The following TMEM225 variants were observed in gnomAD, a reference collection of about 807,000 sequenced individuals.
The protein encoded by TMEM225 is PMP22 claudin domain-containing protein.
A neutral mutation model predicts 17.6 loss-of-function variants in TMEM225; 10 were observed. The observed-to-expected ratio is 0.57, with a 90% CI of 0.35 to 0.96. The LOEUF (loss-of-function observed/expected upper bound fraction) is 0.96, where lower values mean the gene tolerates loss of function less well. TMEM225 is among the 40% of genes least tolerant of loss of function. TMEM225 has a pLI of 0.02. For synonymous variants in TMEM225, 101 were observed against 94.5 expected (o/e 1.07, Z -0.40); for missense variants, 245 against 271.5 (o/e 0.90, Z 0.69).
intron 3 of TMEM225, 59 bp downstream of exon 3, chr11:123,884,016 T>C: frequency 6.6e-7 from 1 of 1,511,006 alleles, no homozygotes; most frequent in Non-Finnish European, 8.8e-7. Flanking sequence ...TTTTTACCCT[T>C]CCCTCTGTCG....
chr11:123,885,330 T>G lies in TMEM225; in HGVS notation c.96A>C (p.Lys32Asn), dbSNP rs769876191. 3 of 1,613,654 alleles carry G rather than the reference T, an allele frequency of 1.9e-6. No individual in the cohort carries two copies. The highest frequency in any genetic ancestry group is 1.7e-4 in the Middle Eastern group (1 of 6,056). The change falls in exon 1 of 4, where the codon AAA becomes AAC. Residue 32 changes from lysine to asparagine, a missense_variant. Transcript: ENST00000375026. ...VLMVMGITLD[K>N]WVELISEDER... ...CATCTTCTGAAATCAATTCAACCCA[T>G]TTATCTAAGGTGATTCCCATCACCA... is the stretch of plus-strand genomic sequence containing the variant.
chr11:123,885,370 C>T lies in TMEM225; in HGVS notation c.56G>A (p.Trp19Ter), dbSNP rs761263754. 3 of 1,613,494 alleles carry T rather than the reference C, an allele frequency of 1.9e-6. No individual in the cohort carries two copies. In the South Asian group the frequency reaches 3.3e-5, roughly 18 times the overall value. Residue 19 changes from tryptophan to a stop codon, truncating the protein, a stop_gained, in exon 1 of 4, where the codon TGG becomes TAG. Coordinates refer to ENST00000375026, the MANE Select transcript of TMEM225 (RefSeq NM_001013743.3). LOFTEE classifies it high-confidence loss of function. ...TCCCATCACCATTAAGACTACGGCC[C>T]AGGAGGAGAAAAGTATGTTCATACC... Reference protein sequence around the residue: ...IQGMNILFSSWAVVLMVMGIT... With the variant: ...IQGMNILFSS
Position 123,883,091 on chromosome 11 carries a change from C to T in TMEM225, c.*47G>A. Reference sequence around the variant, plus strand: ...GGAGACACAGCACACACCCACAAAGCTTTTTCCATAAAGATGAGCATATAC... The same window carrying T: ...GGAGACACAGCACACACCCACAAAGTTTTTTCCATAAAGATGAGCATATAC... On this transcript the variant is annotated 3_prime_UTR_variant, in exon 4 of 4. Transcript: ENST00000375026. The T allele has an allele frequency of 6.6e-7, 1 of 1,518,860 alleles. No individual in the cohort carries two copies. The highest frequency in any genetic ancestry group is 1.1e-5 in the South Asian group (1 of 88,058). 94.1% of individuals were successfully genotyped at this position (1,518,860 alleles called of 1,614,324 possible). A position where few individuals can be genotyped will look rare whatever the true frequency, so the allele number is the denominator to read the frequency against.
chr11:123,885,161 G>A, intron 1 of TMEM225, 84 bp downstream of exon 1: 1 of 1,247,060 alleles, frequency 8.0e-7, no homozygotes, highest in Non-Finnish European at 1.1e-6. Context: ...GGGTACACTG[G>A]TGAGATTAAT....
Position 123,885,557 on chromosome 11 carries a change from A to G in TMEM225, c.-132T>C, listed in dbSNP as rs924086141. 1.3e-6 allele frequency: 1 copy of G among 775,738 alleles called. No individual in the cohort carries two copies. The highest frequency in any genetic ancestry group is 2.1e-6 in the Non-Finnish European group (1 of 484,080). 48.1% of individuals were successfully genotyped at this position (775,738 alleles called of 1,614,324 possible). On this transcript the variant is annotated 5_prime_UTR_variant, in exon 1 of 4. Coordinates refer to ENST00000375026, the MANE Select transcript of TMEM225 (RefSeq NM_001013743.3). ...AGGCATTGGTAACAGCAGAAGCTGAAGTAGTCTATAAAACAGAGAAGATAG... is the reference window on the plus strand; with the variant it reads ...AGGCATTGGTAACAGCAGAAGCTGAGGTAGTCTATAAAACAGAGAAGATAG...
At chr11:123,883,977 G>C in intron 3 of TMEM225, 98 bp downstream of exon 3, 1 of 1,326,774 alleles carries the variant, frequency 7.5e-7, no homozygotes, top group Non-Finnish European at 1.0e-6. Flanking sequence ...TAAAATGCAA[G>C]GTTTGGCACT....
chr11:123,883,113 A>G lies in TMEM225; in HGVS notation c.*25T>C. On this transcript the variant is annotated 3_prime_UTR_variant, in exon 4 of 4. Transcript: ENST00000375026. The stretch of plus-strand genomic sequence containing the variant: ...AAGCTTTTTCCATAAAGATGAGCAT[A>G]TACTGCAAGAAATAGATTGCCAAAT... The G allele has an allele frequency of 1.3e-6, 2 of 1,597,164 alleles. No homozygotes were observed. Among genetic ancestry groups the G allele is most frequent in the Middle Eastern group, 1.7e-4 (1 of 5,846 alleles).
intron 3 of TMEM225, among the ~76,000 whole-genome samples, chr11:123,883,701 A>T (rs1862996467): frequency 6.6e-6 from 1 of 152,072 alleles, no homozygotes. Context: ...CTCTGCCCTC[A>T]AACTGCCTTG....
chr11:123,884,452 A>G (rs752718414), intron 2 of TMEM225, 38 bp downstream of exon 2: 2 of 1,575,988 alleles, frequency 1.3e-6, no homozygotes, highest in Admixed American at 1.8e-5. Context: ...CCATCAAAGT[A>G]CACCTACAAG....
At chr11:123,884,236 AAAAAAG>A (rs771883863) in intron 2 of TMEM225, 27 bp from the exon 3 acceptor site, 3 of 1,555,280 alleles carry the variant, frequency 1.9e-6, no homozygotes, top group Non-Finnish European at 2.6e-6. Flanking sequence ...AAAAAAAAAA[AAAAAAG>A]AAAAAGAAAA....
At chr11:123,885,133 G>T in intron 1 of TMEM225, 112 bp downstream of exon 1, 1 of 963,508 alleles carries the variant, frequency 1.0e-6, no homozygotes. Flanking sequence ...AACTTGAGAA[G>T]CTGCACCAGA....
chr11:123,885,314 A>C lies in TMEM225; in HGVS notation c.112T>G (p.Ser38Ala), dbSNP rs747293317. The C allele has an allele frequency of 6.2e-7, 1 of 1,613,632 alleles. No homozygotes were observed. Among genetic ancestry groups the C allele is most frequent in the South Asian group, 1.1e-5 (1 of 91,062 alleles). ...TTCATCTTGGCTCTTTCATCTTCTG[A>C]AATCAATTCAACCCATTTATCTAAG... is the stretch of plus-strand genomic sequence containing the variant. ...ITLDKWVELI[S>A]EDERAKMNHS... The change falls in exon 1 of 4, where the codon TCA (serine) becomes GCA (alanine). Residue 38 changes from serine (S) to alanine (A), a missense_variant. Transcript: ENST00000375026.
Position 123,885,405 on chromosome 11 carries a change from T to C in TMEM225, c.21A>G (p.Arg7=), listed in dbSNP as rs2137479083. The change falls in exon 1 of 4, where the codon AGA becomes AGG. Residue 7 remains arginine, a synonymous_variant. Coordinates refer to ENST00000375026, the MANE Select transcript of TMEM225 (RefSeq NM_001013743.3). MVHVSN[R]SIQGMNILFS... is the part of the protein sequence containing the mutation. ...AAAGTATGTTCATACCCTGGATACTTCTATTTGAAACATGCACCATTGTGA... is the reference window on the plus strand; with the variant it reads ...AAAGTATGTTCATACCCTGGATACTCCTATTTGAAACATGCACCATTGTGA... 1 of 1,612,654 alleles carries C rather than the reference T, an allele frequency of 6.2e-7. No individual in the cohort carries two copies. Among genetic ancestry groups the C allele is most frequent in the Non-Finnish European group, 8.5e-7 (1 of 1,179,308 alleles).
chr11:123,884,032 G>A (rs1392207694), intron 3 of TMEM225, 43 bp downstream of exon 3: 3 of 1,554,522 alleles, frequency 1.9e-6, no homozygotes, highest in East Asian at 4.6e-5. Flanking sequence ...TGTCGGGGAT[G>A]GATTGGTTCT....
chr11:123,885,447 G>A lies in TMEM225; in HGVS notation c.-22C>T, dbSNP rs373389532. On this transcript the variant is annotated 5_prime_UTR_variant, in exon 1 of 4. Coordinates refer to ENST00000375026, the MANE Select transcript of TMEM225 (RefSeq NM_001013743.3). The stretch of plus-strand genomic sequence containing the variant: ...CCATTGTGAGTGAAAATTTCTAGCT[G>A]GAACCACCACCACTATTTTGTAGAT... The A allele has an allele frequency of 9.4e-6, 15 of 1,599,922 alleles. No homozygotes were observed. The highest frequency in any genetic ancestry group is 1.3e-5 in the African/African-American group (1 of 74,478).
Position 123,882,982 on chromosome 11 carries a change from C to A in TMEM225, c.*156G>T. The A allele has an allele frequency of 1.9e-6, 1 of 518,944 alleles. No homozygotes were observed. Among genetic ancestry groups the A allele is most frequent in the Non-Finnish European group, 3.4e-6 (1 of 296,506 alleles). The allele number at this position is 518,944 out of a possible 1,614,324, so 32.1% of individuals were successfully genotyped here. A position where few individuals can be genotyped will look rare whatever the true frequency, so the allele number is the denominator to read the frequency against. On this transcript the variant is annotated 3_prime_UTR_variant, in exon 4 of 4. Transcript: ENST00000375026. The stretch of plus-strand genomic sequence containing the variant: ...AATGTTGCAGAAGAAACTATTCGTT[C>A]AGCAGGCCAGGATTTTTTAAAAAAC...
In TMEM225 at chr11:123,883,066, G is replaced by T; in HGVS notation, c.*72C>A. ...AATTCCAAATAGAGACAACATGGTT[G>T]GAGACACAGCACACACCCACAAAGC... On this transcript the variant is annotated 3_prime_UTR_variant, in exon 4 of 4. Coordinates refer to ENST00000375026, the MANE Select transcript of TMEM225 (RefSeq NM_001013743.3). The T allele has an allele frequency of 8.1e-7, 1 of 1,238,108 alleles. No homozygotes were observed. The highest frequency in any genetic ancestry group is 1.2e-6 in the Non-Finnish European group (1 of 852,970). The allele number at this position is 1,238,108 out of a possible 1,614,324, so 76.7% of individuals were successfully genotyped here.
At chr11:123,884,411 A>G (rs978106512) in intron 2 of TMEM225, 79 bp downstream of exon 2, 5 of 1,356,872 alleles carry the variant, frequency 3.7e-6, no homozygotes, top group Admixed American at 2.3e-5. Context: ...ATATATATAT[A>G]TAGTTTTCAG....
At position 123,884,495 on chromosome 11, in the gene TMEM225, A is replaced by G. The variant is rs779799606; in HGVS notation, c.323T>C (p.Phe108Ser). Reference sequence around the variant, plus strand: ...TAGGGGAGCCAGGAAGTTACCTGAGAAGAAACTGAGGATGGTAGTGAAGAG... The same window carrying G: ...TAGGGGAGCCAGGAAGTTACCTGAGGAGAAACTGAGGATGGTAGTGAAGAG... ...IQLFTTILSFFSGISLLWALI... is the reference protein window; with the variant it reads ...IQLFTTILSFSSGISLLWALI... The change falls in exon 2 of 4, where the codon TTC (phenylalanine) becomes TCC (serine). Residue 108 changes from phenylalanine to serine, a missense_variant. By Grantham distance (155) the Phe-to-Ser change is radical (BLOSUM62 -2). Coordinates refer to ENST00000375026, the MANE Select transcript of TMEM225 (RefSeq NM_001013743.3). 12 of 1,609,714 alleles carry G rather than the reference A, an allele frequency of 7.5e-6. No homozygotes were observed. The South Asian group carries it at 1.2e-4, about 16-fold the overall frequency.
Sources: allele counts gnomAD v4.1 joint callset (sites outside exome capture counted in the v4.1 genomes callset), GRCh38; gene constraint gnomAD v4.1.1; transcripts MANE v1.5; gene names NCBI Gene and HGNC (gene_info 2026-07-23, HGNC 2026-07-21).